The following HNRNPH1 variants were observed in gnomAD, a reference collection of about 807,000 sequenced individuals.
HNRNPH1 encodes heterogeneous nuclear ribonucleoprotein H1, also known as heterogeneous nuclear ribonucleoprotein H.
HNRNPH1 carries 4 observed loss-of-function variants against 58.6 expected under a neutral mutation model. The ratio of observed to expected loss-of-function variants is 0.07; its 90% CI spans 0.03 to 0.16. The LOEUF (loss-of-function observed/expected upper bound fraction) is 0.16, where lower values mean the gene tolerates loss of function less well. Among genes scored for constraint, HNRNPH1 ranks in the 10% least tolerant of loss-of-function variants. The pLI is 1.00. For synonymous variants in HNRNPH1, 192 were observed against 189.2 expected (o/e 1.01, Z -0.12); for missense variants, 271 against 564.2 (o/e 0.48, Z 5.26).
At chr5:179,634,320 T>C (rs1175418139) in intron 1 of HNRNPH1, 1 of 86,348 alleles carries the variant, frequency 1.2e-5, no homozygotes, top group Non-Finnish European at 2.4e-5. Context: ...CCACAGCCGC[T>C]GCTTTCAGGG....
Position 179,616,860 on chromosome 5 carries a change from G to A in HNRNPH1, c.1207+9C>T, listed in dbSNP as rs1770010183. 2.5e-6 allele frequency: 4 copies of A among 1,609,748 alleles called. No homozygotes were observed. The highest frequency in any genetic ancestry group is 1.7e-6 in the Non-Finnish European group (2 of 1,176,846). On this transcript the variant is annotated intron_variant, in intron 10 of 12. Transcript: ENST00000356731. ...CGTTTTGGTTTTTAAAAAAACTAAC[G>A]ATATTTACACAAGCCCATGCCTCCC... is the stretch of plus-strand genomic sequence containing the variant.
chr5:179,615,894 CT>C (rs949274843), intron 11 of HNRNPH1: 1 of 533,142 alleles, frequency 1.9e-6, no homozygotes, highest in Non-Finnish European at 3.3e-6. Context: ...ACACTTCCCC[CT>C]CCCAATGATT....
intron 12 of HNRNPH1, 59 bp from the exon 14 acceptor site, chr5:179,615,018 T>C: frequency 9.7e-7 from 1 of 1,029,106 alleles, no homozygotes; most frequent in South Asian, 1.4e-5. Context: ...TCAAATAAAA[T>C]ATAGTATTCC....
At chr5:179,631,753 AT>A (rs909991846) in intron 2 of HNRNPH1, among the ~76,000 whole-genome samples, 45 of 150,860 alleles carry the variant, frequency 3.0e-4, no homozygotes, top group African/African-American at 6.8e-4. Context: ...AAAAAAAAAA[AT>A]TTTTTTTTTA....
At chr5:179,619,633 C>G (rs1771320766) in intron 3 of HNRNPH1, 3 of 327,696 alleles carry the variant, frequency 9.2e-6, no homozygotes, top group Non-Finnish European at 1.6e-5. Flanking sequence ...TTAAAAAAAA[C>G]TTGCTGAACA....
rs200084047 is a variant in HNRNPH1 at position 179,623,147 on chromosome 5, G to A, written c.-14C>T. ...GCCCAACATCATCGTCTCTTACGCGGTCCGGCGTCGAAACAAACTGCAAAG... is the reference window on the plus strand; with the variant it reads ...GCCCAACATCATCGTCTCTTACGCGATCCGGCGTCGAAACAAACTGCAAAG... On this transcript the variant is annotated 5_prime_UTR_variant, in exon 1 of 13. Transcript: ENST00000356731. The A allele has an allele frequency of 8.8e-4, 1,404 of 1,589,242 alleles. 10 individuals carry two copies. The African/African-American group carries it at 0.017, about 19-fold the overall frequency.
At chr5:179,630,283 C>T (rs1000342167) in intron 2 of HNRNPH1, among the ~76,000 whole-genome samples, 1 of 151,912 alleles carries the variant, frequency 6.6e-6, no homozygotes, top group Middle Eastern at 3.4e-3. Flanking sequence ...TGGGAGGCGG[C>T]GGTCGTGGTG....
exon 2 of HNRNPH1, chr5:179,621,397 T>A: frequency 6.2e-7 from 1 of 1,612,476 alleles, no homozygotes; most frequent in Non-Finnish European, 8.5e-7. Context: ...AATTTTGCAG[T>A]CTGGAAAGAA....
exon 13 of HNRNPH1, chr5:179,614,883 C>CCCT (rs1223302438): frequency 6.5e-7 from 1 of 1,548,888 alleles, no homozygotes; most frequent in Non-Finnish European, 8.7e-7. Context: ...TGCTAGACAA[C>CCCT]CCTCCCATTC....
chr5:179,630,949 AAAAC>A (rs1298504722), intron 2 of HNRNPH1, among the ~76,000 whole-genome samples: 7 of 152,120 alleles, frequency 4.6e-5, no homozygotes, highest in Non-Finnish European at 8.8e-5. Flanking sequence ...AAAAAAAACA[AAAAC>A]AAAAATCAAA....
intron 2 of HNRNPH1, 43 bp downstream of exon 3, chr5:179,621,199 T>A: frequency 3.1e-6 from 5 of 1,588,398 alleles, no homozygotes; most frequent in Non-Finnish European, 4.3e-6. Flanking sequence ...ACCTCTATTG[T>A]TTAATGCTTT....
At chr5:179,621,462 G>A (rs1772264976) in intron 1 of HNRNPH1, 65 bp from the exon 3 acceptor site, 4 of 1,390,564 alleles carry the variant, frequency 2.9e-6, no homozygotes, top group South Asian at 2.4e-5. Context: ...TGACACAGAT[G>A]AAATGTCTAT....
rs1436550575 is a variant in HNRNPH1, at chr5:179,614,933, AGCT to A, written c.*24_*26del. 9 of 1,549,506 alleles carry A rather than the reference AGCT, an allele frequency of 5.8e-6. No homozygotes were observed. In the African/African-American group the frequency reaches 9.6e-5, roughly 17 times the overall value. ...GATGCACGGCTTCCACTACTGTAGT[AGCT>A]GCTGTTCACTGCTCCTTGGTTACCT... is the stretch of plus-strand genomic sequence containing the variant. On this transcript the variant is annotated 3_prime_UTR_variant, in exon 13 of 13. Transcript: ENST00000356731.
chr5:179,622,085 G>A (rs757010781), intron 1 of HNRNPH1: 23 of 431,884 alleles, frequency 5.3e-5, no homozygotes, highest in Non-Finnish European at 9.7e-5. Context: ...CTAATAATAG[G>A]AACAAGGACA....
intron 3 of HNRNPH1, 118 bp downstream of exon 4, chr5:179,620,774 T>C (rs1019811514): frequency 3.7e-6 from 3 of 821,154 alleles, no homozygotes; most frequent in East Asian, 2.6e-5. Flanking sequence ...AAAACATTAA[T>C]TCATTGGCAA....
exon 1 of HNRNPH1, chr5:179,623,453 G>A (rs1026724625): frequency 1.9e-5 from 4 of 210,772 alleles, no homozygotes; most frequent in African/African-American, 7.0e-5. Flanking sequence ...CAATAGAGTC[G>A]GCGCGGCCTG....
At chr5:179,631,969 G>C (rs1284666088) in intron 2 of HNRNPH1, among the ~76,000 whole-genome samples, 1 of 152,036 alleles carries the variant, frequency 6.6e-6, no homozygotes, top group African/African-American at 2.4e-5. Flanking sequence ...GGCCGCCTCC[G>C]GGACCTGCTC....
At chr5:179,618,554 G>T in intron 4 of HNRNPH1, 1 of 390,576 alleles carries the variant, frequency 2.6e-6, no homozygotes, top group Non-Finnish European at 4.5e-6. Flanking sequence ...CTCTGAGGCA[G>T]AGCCCAACCT....
rs201191615 is a variant in HNRNPH1, at chr5:179,631,098, TG to T, written c.-32+2966del. Among the ~76,000 whole-genome samples, 67 of 152,012 alleles carry T rather than the reference TG, an allele frequency of 4.4e-4. 1 individual carries two copies. In the East Asian group the frequency reaches 0.012, roughly 28 times the overall value. On this transcript the variant is annotated intron_variant, in intron 2 of 4. Coordinates refer to the HNRNPH1 transcript ENST00000521116. ...GTCTAATGAAGTATGGAATAAATTCTGGTATGAATGCATGGGGGTAGTGGGA... is the reference window on the plus strand; with the variant it reads ...GTCTAATGAAGTATGGAATAAATTCTGTATGAATGCATGGGGGTAGTGGGA...
Sources: gnomAD v4.1 joint callset for allele counts (sites outside exome capture counted in the v4.1 genomes callset) on GRCh38, gnomAD v4.1.1 for gene constraint, MANE v1.5 for transcripts, NCBI Gene and HGNC (gene_info 2026-07-23, HGNC 2026-07-21) for gene names.